The following SPECC1 variants were observed in gnomAD, a reference collection of about 807,000 sequenced individuals.
SPECC1 encodes sperm antigen with calponin homology and coiled-coil domains 1.
Under a neutral mutation model 104.1 loss-of-function variants are expected in SPECC1, and 62 were observed. That is an observed-to-expected ratio of 0.60 (90% CI 0.49 to 0.74). The LOEUF is 0.74. Ranked by LOEUF, SPECC1 falls within the 30% of genes least tolerant of loss-of-function variation. SPECC1 has a pLI of 0.00. For synonymous variants in SPECC1, 513 were observed against 501.6 expected (o/e 1.02, Z -0.30); for missense variants, 1,306 against 1,310.5 (o/e 1.00, Z 0.05).
chr17:20,178,876 A>G (rs1456326596), intron 3 of SPECC1, among the ~76,000 whole-genome samples: 2 of 152,230 alleles, frequency 1.3e-5, no homozygotes, highest in African/African-American at 2.4e-5. Context: ...TTAAAAGACA[A>G]TTGCTGGACT....
intron 3 of SPECC1, among the ~76,000 whole-genome samples, chr17:20,128,905 T>G (rs1183840202): frequency 1.3e-5 from 2 of 152,160 alleles, no homozygotes; most frequent in Non-Finnish European, 1.5e-5. Flanking sequence ...TAATTTTTTA[T>G]TTTTAGAGAC....
At chr17:20,253,873 C>T (rs2039725190) in intron 10 of SPECC1, among the ~76,000 whole-genome samples, 1 of 151,704 alleles carries the variant, frequency 6.6e-6, no homozygotes, top group Non-Finnish European at 1.5e-5. Flanking sequence ...TGCTTTGTTT[C>T]CCAGGCTGGT....
chr17:20,160,702 C>G (rs1359074754), intron 3 of SPECC1, among the ~76,000 whole-genome samples: 1 of 152,070 alleles, frequency 6.6e-6, no homozygotes, highest in Non-Finnish European at 1.5e-5. Flanking sequence ...ATTAGTCTGT[C>G]TTATTTTTTG....
At chr17:20,046,529 G>C (rs1367974103) in intron 1 of SPECC1, among the ~76,000 whole-genome samples, 1 of 152,270 alleles carries the variant, frequency 6.6e-6, no homozygotes, top group East Asian at 1.9e-4. Context: ...TGTACTAGAG[G>C]GGGTGGCAAA....
chr17:20,042,880 T>C (rs1274873981), intron 1 of SPECC1, among the ~76,000 whole-genome samples: 2 of 152,172 alleles, frequency 1.3e-5, no homozygotes, highest in African/African-American at 4.8e-5. Context: ...CTGCCTCCTC[T>C]TCCCCTTCCA....
chr17:20,088,086 A>C (rs1383224893), intron 1 of SPECC1, among the ~76,000 whole-genome samples: 1 of 151,948 alleles, frequency 6.6e-6, no homozygotes, highest in African/African-American at 2.4e-5. Flanking sequence ...GAGAGTGATC[A>C]GAGCTAGGCG....
chr17:20,136,437 A>T (rs1323752377), intron 3 of SPECC1, among the ~76,000 whole-genome samples: 1 of 151,866 alleles, frequency 6.6e-6, no homozygotes, highest in Admixed American at 6.6e-5. Context: ...AAAAAAAAAA[A>T]AAAAAATCTG....
At chr17:20,235,236 C>G (rs993673288) in intron 7 of SPECC1, among the ~76,000 whole-genome samples, 4 of 152,216 alleles carry the variant, frequency 2.6e-5, no homozygotes, top group Admixed American at 2.0e-4. Flanking sequence ...GACACAGTGG[C>G]ATCTCCATAT....
At chr17:20,239,884 T>G (rs958547118) in intron 7 of SPECC1, among the ~76,000 whole-genome samples, 2 of 28,006 alleles carry the variant, frequency 7.1e-5, no homozygotes, top group African/African-American at 2.0e-4. Flanking sequence ...CTGAGTTTTT[T>G]TTTTTTTTTT....
At chr17:20,041,896 G>C (rs1470120447) in intron 1 of SPECC1, among the ~76,000 whole-genome samples, 1 of 151,948 alleles carries the variant, frequency 6.6e-6, no homozygotes, top group Non-Finnish European at 1.5e-5. Flanking sequence ...AAGTGCTGGG[G>C]TTACAGGCGT....
chr17:20,236,715 G>T, intron 7 of SPECC1: 1 of 779,192 alleles, frequency 1.3e-6, no homozygotes, highest in Non-Finnish European at 1.9e-6. Context: ...TGGAACAGTA[G>T]GACTTAAAAT....
chr17:20,162,152 A>G (rs2033215830), intron 3 of SPECC1, among the ~76,000 whole-genome samples: 1 of 147,454 alleles, frequency 6.8e-6, no homozygotes, highest in African/African-American at 2.5e-5. Flanking sequence ...ATTTTTTTAT[A>G]TATATATTTT....
At chr17:20,082,989 C>T (rs867221278) in intron 1 of SPECC1, among the ~76,000 whole-genome samples, 3 of 151,802 alleles carry the variant, frequency 2.0e-5, no homozygotes, top group Middle Eastern at 3.4e-3. Context: ...TTCGTTCGTT[C>T]GTTCGTTCGT....
intron 7 of SPECC1, chr17:20,238,146 TG>T (rs2151506986): frequency 9.7e-7 from 1 of 1,031,224 alleles, no homozygotes; most frequent in African/African-American, 1.7e-5. Context: ...AGAATCTTGT[TG>T]GGTTAAACAT....
intron 3 of SPECC1, among the ~76,000 whole-genome samples, chr17:20,150,155 T>C (rs1182607777): frequency 6.6e-6 from 1 of 151,762 alleles, no homozygotes; most frequent in East Asian, 2.0e-4. Flanking sequence ...TTGTATTTTT[T>C]TTTTAGTATA....
At chr17:20,292,334 C>CT (rs113080519) in intron 12 of SPECC1, among the ~76,000 whole-genome samples, 4,423 of 150,912 alleles carry the variant, frequency 0.029, 210 homozygotes, top group African/African-American at 0.1. Context: ...GTTTTTTCAT[C>CT]TTTTTTTTTG....
At chr17:20,294,031 G>A (rs1453175655) in intron 12 of SPECC1, among the ~76,000 whole-genome samples, 1 of 152,128 alleles carries the variant, frequency 6.6e-6, no homozygotes, top group African/African-American at 2.4e-5. Context: ...ACCTAGGCTG[G>A]AGTGCAGTGG....
At chr17:20,212,562 G>A (rs2037222484) in intron 4 of SPECC1, among the ~76,000 whole-genome samples, 1 of 152,142 alleles carries the variant, frequency 6.6e-6, no homozygotes, top group African/African-American at 2.4e-5. Context: ...CAGGAGAACA[G>A]CACAGGAAAG....
intron 1 of SPECC1, among the ~76,000 whole-genome samples, chr17:20,013,189 C>T (rs1432460596): frequency 1.3e-5 from 2 of 152,166 alleles, no homozygotes; most frequent in African/African-American, 4.8e-5. Context: ...CTCTTCAAGA[C>T]CCTGCTTTCA....
Sources: allele counts gnomAD v4.1 joint callset (sites outside exome capture counted in the v4.1 genomes callset), GRCh38; gene constraint gnomAD v4.1.1; transcripts MANE v1.5; gene names NCBI Gene and HGNC (gene_info 2026-07-23, HGNC 2026-07-21).